DAP: variants seen among roughly 807,000 people sequenced by gnomAD.
The protein encoded by DAP is death-associated protein 1.
A neutral mutation model predicts 13.8 loss-of-function variants in DAP; 8 were observed. The observed-to-expected ratio is 0.58, with a 90% CI of 0.34 to 1.05. The LOEUF is 1.05. Ranked by LOEUF, DAP falls within the 50% of genes least tolerant of loss-of-function variation. The pLI is 0.03. For synonymous variants in DAP, 47 were observed against 47.5 expected (o/e 0.99, Z 0.04); for missense variants, 106 against 133.2 (o/e 0.80, Z 1.01).
chr5:10,711,570 A>G (rs1308143254), intron 2 of DAP, among the ~76,000 whole-genome samples: 1 of 152,216 alleles, frequency 6.6e-6, no homozygotes, highest in Non-Finnish European at 1.5e-5. Flanking sequence ...CTCTATCGGC[A>G]TTAAAAATCC....
chr5:10,730,214 T>A (rs1208256553), intron 2 of DAP, among the ~76,000 whole-genome samples: 1 of 152,190 alleles, frequency 6.6e-6, no homozygotes, highest in Non-Finnish European at 1.5e-5. Flanking sequence ...CACTAATGTG[T>A]CCCCACTGTG....
chr5:10,681,206 G>C, intron 3 of DAP, 37 bp from the exon 4 acceptor site: 1 of 1,441,828 alleles, frequency 6.9e-7, no homozygotes, highest in Non-Finnish European at 9.2e-7. Flanking sequence ...TTAATCAATA[G>C]GAAGCATGGG....
chr5:10,697,147 G>C (rs1261414852), intron 2 of DAP, among the ~76,000 whole-genome samples: 1 of 152,202 alleles, frequency 6.6e-6, no homozygotes, highest in Non-Finnish European at 1.5e-5. Context: ...GGGAGACCTT[G>C]GCTGTAGGTG....
At chr5:10,720,627 T>G (rs530007410) in intron 2 of DAP, among the ~76,000 whole-genome samples, 1 of 152,326 alleles carries the variant, frequency 6.6e-6, no homozygotes, top group South Asian at 2.1e-4. Flanking sequence ...ACGCATGGGC[T>G]CAGCAACATG....
At chr5:10,731,991 G>T (rs1175623088) in intron 2 of DAP, among the ~76,000 whole-genome samples, 1 of 152,192 alleles carries the variant, frequency 6.6e-6, no homozygotes. Context: ...TGCTGCCTGG[G>T]CCTGCAGCCT....
At chr5:10,745,872 C>T (rs1269037226) in intron 2 of DAP, among the ~76,000 whole-genome samples, 1 of 152,214 alleles carries the variant, frequency 6.6e-6, no homozygotes, top group Non-Finnish European at 1.5e-5. Context: ...AATGACACCC[C>T]AGGTTTCCTA....
At chr5:10,732,104 G>T (rs556678893) in intron 2 of DAP, among the ~76,000 whole-genome samples, 1 of 152,228 alleles carries the variant, frequency 6.6e-6, no homozygotes, top group Non-Finnish European at 1.5e-5. Context: ...GTGAGCTTCC[G>T]CTTTCTCAGT....
intron 2 of DAP, among the ~76,000 whole-genome samples, chr5:10,737,813 T>C (rs1360745635): frequency 1.3e-5 from 2 of 152,232 alleles, no homozygotes; most frequent in African/African-American, 4.8e-5. Context: ...TACTTCAGAA[T>C]GTGAGCTTAT....
chr5:10,759,744 C>CTTTTTTTTT (rs1169454640), intron 1 of DAP, among the ~76,000 whole-genome samples: 12 of 88,224 alleles, frequency 1.4e-4, no homozygotes, highest in Admixed American at 3.2e-4. Flanking sequence ...TAATGGGAAT[C>CTTTTTTTTT]TTTTTTTTTT....
intron 1 of DAP, among the ~76,000 whole-genome samples, chr5:10,755,693 T>C (rs920221920): frequency 6.6e-6 from 1 of 152,208 alleles, no homozygotes; most frequent in Non-Finnish European, 1.5e-5. Context: ...CTATACCTAA[T>C]ATAGTACTTT....
intron 2 of DAP, among the ~76,000 whole-genome samples, chr5:10,717,920 A>C (rs1182096586): frequency 6.6e-6 from 1 of 152,212 alleles, no homozygotes; most frequent in Admixed American, 6.5e-5. Flanking sequence ...TGGATAAAAG[A>C]CTAATTTGAA....
At chr5:10,709,820 C>G (rs965104106) in intron 2 of DAP, among the ~76,000 whole-genome samples, 2 of 152,218 alleles carry the variant, frequency 1.3e-5, no homozygotes, top group African/African-American at 4.8e-5. Flanking sequence ...GGGAATACCC[C>G]CAAAGGGAAG....
At chr5:10,706,014 T>C (rs1738689576) in intron 2 of DAP, among the ~76,000 whole-genome samples, 3 of 152,198 alleles carry the variant, frequency 2.0e-5, no homozygotes, top group South Asian at 4.1e-4. Context: ...ACCTCCGCCC[T>C]CTGGACTGCA....
intron 2 of DAP, among the ~76,000 whole-genome samples, chr5:10,727,184 G>C (rs1327908152): frequency 1.3e-5 from 2 of 152,188 alleles, no homozygotes; most frequent in Non-Finnish European, 2.9e-5. Context: ...ATGTCCATAG[G>C]AACTGTCTCT....
chr5:10,727,166 A>AT (rs1371385039), intron 2 of DAP, among the ~76,000 whole-genome samples: 1 of 152,244 alleles, frequency 6.6e-6, no homozygotes, highest in African/African-American at 2.4e-5. Flanking sequence ...ACTGTGCAGA[A>AT]ACATGACATG....
intron 1 of DAP, among the ~76,000 whole-genome samples, chr5:10,749,215 G>A (rs994834143): frequency 2.0e-5 from 3 of 152,168 alleles, no homozygotes; most frequent in Non-Finnish European, 4.4e-5. Context: ...TCATCAATTA[G>A]ACATTTGCGT....
At chr5:10,717,896 G>T (rs1436295712) in intron 2 of DAP, among the ~76,000 whole-genome samples, 1 of 152,164 alleles carries the variant, frequency 6.6e-6, no homozygotes, top group Admixed American at 6.5e-5. Flanking sequence ...CAAGCGGAAA[G>T]CTTCTAGGTG....
intron 3 of DAP, chr5:10,683,161 C>T (rs181486145): frequency 3.3e-6 from 1 of 304,782 alleles, no homozygotes; most frequent in Admixed American, 5.2e-5. Context: ...AACACTGGCA[C>T]TTTCTTCAGG....
chr5:10,747,996 T>C, intron 2 of DAP, 179 bp downstream of exon 2: 3 of 565,712 alleles, frequency 5.3e-6, no homozygotes, highest in East Asian at 3.1e-5. Flanking sequence ...AGGGGCTCTA[T>C]TTTCTCCCCT....
Sources: gnomAD v4.1 joint callset for allele counts (sites outside exome capture counted in the v4.1 genomes callset) on GRCh38, gnomAD v4.1.1 for gene constraint, MANE v1.5 for transcripts, NCBI Gene and HGNC (gene_info 2026-07-23, HGNC 2026-07-21) for gene names.